TPCN1: variants seen among roughly 807,000 people sequenced by gnomAD.
The protein encoded by TPCN1 is two pore channel protein 1.
TPCN1 carries 52 observed loss-of-function variants against 108.8 expected under a neutral mutation model. The observed-to-expected ratio is 0.48, with a 90% CI of 0.38 to 0.60. TPCN1 has a LOEUF of 0.60. Ranked by LOEUF, TPCN1 falls within the 20% of genes least tolerant of loss-of-function variation. TPCN1 has a pLI of 0.00. For missense variants in TPCN1, 806 were observed against 1,072.8 expected, an observed-to-expected ratio of 0.75 and a Z score of 3.47; for synonymous variants, 446 against 433.7, an observed-to-expected ratio of 1.03 and a Z score of -0.35.
At chr12:113,260,234 T>C in intron 2 of TPCN1, 134 bp from the exon 3 acceptor site, 2 of 987,282 alleles carry the variant, frequency 2.0e-6, no homozygotes, top group Non-Finnish European at 1.4e-6. Context: ...GTACACAGCA[T>C]GGAGGTTGAT....
intron 2 of TPCN1, among the ~76,000 whole-genome samples, chr12:113,246,725 C>T (rs539236826): frequency 6.6e-5 from 10 of 152,220 alleles, no homozygotes; most frequent in Admixed American, 6.5e-4. Context: ...GCGACGTGCC[C>T]CAGTTCCTGC....
chr12:113,236,612 C>T (rs1056000764), intron 2 of TPCN1, among the ~76,000 whole-genome samples: 10 of 150,384 alleles, frequency 6.6e-5, no homozygotes, highest in African/African-American at 2.5e-4. Flanking sequence ...AAGACCCTGT[C>T]TCAAAAAGAA....
chr12:113,223,341 G>A lies in TPCN1; in HGVS notation c.-126+1715G>A, dbSNP rs76401993. ...CAGCTGCCATTGACTAGGTCAGTTG[G>A]GAGGCAAAGTGGGTTGAGCCCAGAG... On this transcript the variant is annotated intron_variant, in intron 1 of 27. Coordinates refer to ENST00000335509, the MANE Select transcript of TPCN1 (RefSeq NM_017901.6). 5.1e-3 allele frequency among the ~76,000 whole-genome samples: 774 copies of A among 152,248 alleles called. 8 individuals are homozygous for A. The highest frequency in any genetic ancestry group is 0.016 in the African/African-American group (648 of 41,542).
rs144552847 is a variant in TPCN1 at position 113,231,904 on chromosome 12, G to A, written c.112+4940G>A. Among the ~76,000 whole-genome samples the A allele has an allele frequency of 1.2e-4, 18 of 152,286 alleles. No individual in the cohort carries two copies. The highest frequency in any genetic ancestry group is 2.2e-4 in the African/African-American group (9 of 41,560). On this transcript the variant is annotated intron_variant, in intron 2 of 27. Coordinates refer to ENST00000335509, the MANE Select transcript of TPCN1 (RefSeq NM_017901.6). This position sits in a 1 kb window ranked among gnomAD's most constrained non-coding sequence, Gnocchi z 4.3. ...GTAGAGACAGACCACAGTCCACACCGCGTGACAGGCGGTGGTCTCACCCAC... is the reference window on the plus strand; with the variant it reads ...GTAGAGACAGACCACAGTCCACACCACGTGACAGGCGGTGGTCTCACCCAC...
intron 2 of TPCN1, among the ~76,000 whole-genome samples, chr12:113,234,837 C>A (rs899093982): frequency 6.6e-6 from 1 of 151,992 alleles, no homozygotes; most frequent in Non-Finnish European, 1.5e-5. Flanking sequence ...GCCAGTTTTT[C>A]AAAAGAAATT....
intron 7 of TPCN1, among the ~76,000 whole-genome samples, chr12:113,270,912 C>A (rs1955472979): frequency 6.6e-6 from 1 of 152,136 alleles, no homozygotes; most frequent in Non-Finnish European, 1.5e-5. Flanking sequence ...GGATTAGGGG[C>A]AGGGGACACA....
Position 113,266,356 on chromosome 12 carries a change from T to C in TPCN1, c.414T>C (p.Tyr138=). Residue 138 remains tyrosine, a splice_region_variant and synonymous_variant, in exon 4 of 28, where the codon TAT becomes TAC. Coordinates refer to ENST00000335509, the MANE Select transcript of TPCN1 (RefSeq NM_017901.6). This position sits in a 1 kb window ranked among gnomAD's most constrained non-coding sequence, Gnocchi z 4.2. ...TCCCCGCACTCCGGCTTGGCATCTA[T>C]GTGAGCGCACATGCTCCTCATACGG... ...PAVPALRLGI[Y]VHATLELFAL... 2 of 1,605,770 alleles carry C rather than the reference T, an allele frequency of 1.2e-6. No homozygotes were observed. The highest frequency in any genetic ancestry group is 1.1e-5 in the South Asian group (1 of 91,060).
Position 113,298,290 on chromosome 12 carries a change from A to G in TPCN1, c.*2214A>G, listed in dbSNP as rs960278700. 2 of 152,230 alleles carry G rather than the reference A, an allele frequency of 1.3e-5. No homozygotes were observed. The highest frequency in any genetic ancestry group is 2.9e-5 in the Non-Finnish European group (2 of 68,066). The allele number at this position is 152,230 out of a possible 1,614,324, so 9.4% of individuals were successfully genotyped here. A position where few individuals can be genotyped will look rare whatever the true frequency, so the allele number is the denominator to read the frequency against. The stretch of plus-strand genomic sequence containing the variant: ...GGCTGTGAGCTCTGTGGGCCCTGGG[A>G]TGTGATCTAGCTCAGATGCCCTCTC... On this transcript the variant is annotated 3_prime_UTR_variant, in exon 28 of 28. Coordinates refer to ENST00000335509, the MANE Select transcript of TPCN1 (RefSeq NM_017901.6).
chr12:113,229,386 G>A (rs1246137162), intron 2 of TPCN1, among the ~76,000 whole-genome samples: 1 of 152,248 alleles, frequency 6.6e-6, no homozygotes, highest in African/African-American at 2.4e-5. Context: ...TTTCAGAGGA[G>A]GCCTGCTCTG....
At position 113,272,800 on chromosome 12, in the gene TPCN1, G is replaced by A; in HGVS notation, c.783+108G>A. On this transcript the variant is annotated intron_variant, in intron 8 of 27. Transcript: ENST00000335509. This position sits in a 1 kb window ranked among gnomAD's most constrained non-coding sequence, Gnocchi z 4.1. ...CATATGGGGAAGGGGGGGCCTGCCT[G>A]GTTTCTCATCATAGCTTGTGTGTGC... 9.0e-7 allele frequency: 1 copy of A among 1,106,934 alleles called. No homozygotes were observed. Among genetic ancestry groups the A allele is most frequent in the Non-Finnish European group, 1.4e-6 (1 of 720,166 alleles). The allele number at this position is 1,106,934 out of a possible 1,614,324, so 68.6% of individuals were successfully genotyped here. A position where few individuals can be genotyped will look rare whatever the true frequency, so the allele number is the denominator to read the frequency against.
intron 1 of TPCN1, among the ~76,000 whole-genome samples, chr12:113,224,260 C>A (rs972600341): frequency 6.6e-6 from 1 of 152,284 alleles, no homozygotes; most frequent in African/African-American, 2.4e-5. Flanking sequence ...CTGAAATACC[C>A]ACCACACCCA....
intron 2 of TPCN1, among the ~76,000 whole-genome samples, chr12:113,230,346 T>G (rs1953642272): frequency 1.4e-5 from 2 of 145,980 alleles, no homozygotes; most frequent in African/African-American, 2.6e-5. Flanking sequence ...TGGAGTGCAG[T>G]GGCACCATCT....
At chr12:113,293,113 T>C (rs752155388) in intron 26 of TPCN1, 40 bp downstream of exon 26, 2 of 1,602,844 alleles carry the variant, frequency 1.2e-6, no homozygotes, top group African/African-American at 1.3e-5. Context: ...GGGAGGCAGG[T>C]TTCAGTGTGG....
At chr12:113,253,017 G>T (rs1050659444) in intron 2 of TPCN1, among the ~76,000 whole-genome samples, 3 of 152,158 alleles carry the variant, frequency 2.0e-5, no homozygotes, top group African/African-American at 7.2e-5. Context: ...ACCCTGTCAC[G>T]CTTTTGGAGT....
intron 15 of TPCN1, among the ~76,000 whole-genome samples, chr12:113,283,144 A>G (rs191079370): frequency 3.2e-4 from 48 of 152,324 alleles, no homozygotes; most frequent in Non-Finnish European, 6.5e-4. Flanking sequence ...CAAAAAAAGT[A>G]TATTGAAGGA....
chr12:113,233,504 A>G (rs1953770524), intron 2 of TPCN1, among the ~76,000 whole-genome samples: 2 of 152,214 alleles, frequency 1.3e-5, no homozygotes, highest in East Asian at 1.9e-4. Flanking sequence ...AGTGACGTCA[A>G]TCTTGAGACA....
chr12:113,249,744 G>C (rs1374500472), intron 2 of TPCN1: 1 of 152,356 alleles, frequency 6.6e-6, no homozygotes, highest in Non-Finnish European at 1.5e-5. Flanking sequence ...CTACACGCTG[G>C]CTCTGGTTCC....
rs1955340165 is a variant in TPCN1 at position 113,268,071 on chromosome 12, G to A, written c.528+115G>A. ...CCATGGGCCCAGTCCATGCTCAGAG[G>A]TGTAACCCTAGGGTCCCTGTCCTGA... On this transcript the variant is annotated intron_variant, in intron 5 of 27. Coordinates refer to ENST00000335509, the MANE Select transcript of TPCN1 (RefSeq NM_017901.6). This position sits in a 1 kb window ranked among gnomAD's most constrained non-coding sequence, Gnocchi z 7.3. The A allele has an allele frequency of 1.4e-5, 11 of 792,170 alleles. No individual in the cohort carries two copies. The highest frequency in any genetic ancestry group is 4.1e-5 in the Admixed American group (2 of 48,572). The allele number at this position is 792,170 out of a possible 1,614,324, so 49.1% of individuals were successfully genotyped here.
In TPCN1 at chr12:113,279,357, GTGTATATATATATA is replaced by G. The variant is rs1436239845; in HGVS notation, c.1297+524_1297+537del. ...TGTGTGTATATATATGTGTGTGTGT[GTGTATATATATATA>G]TATATATATATATATATATATTTTT... is the stretch of plus-strand genomic sequence containing the variant. On this transcript the variant is annotated intron_variant, in intron 14 of 27. Coordinates refer to ENST00000335509, the MANE Select transcript of TPCN1 (RefSeq NM_017901.6). Among the ~76,000 whole-genome samples the G allele has an allele frequency of 2.9e-3, 193 of 66,018 alleles. 3 individuals are homozygous for G. The highest frequency in any genetic ancestry group is 0.013 in the African/African-American group (175 of 13,994). 43.3% of individuals were successfully genotyped at this position (66,018 alleles called of 152,430 possible).
Sources: gnomAD v4.1 joint callset for allele counts (sites outside exome capture counted in the v4.1 genomes callset) on GRCh38, gnomAD v4.1.1 for gene constraint, Gnocchi (gnomAD v3.1) non-coding constraint, MANE v1.5 for transcripts, NCBI Gene and HGNC (gene_info 2026-07-23, HGNC 2026-07-21) for gene names.